The following CLEC1A variants were observed in gnomAD, a reference collection of about 807,000 sequenced individuals.
The protein encoded by CLEC1A is C-type lectin-like receptor-1.
Under a neutral mutation model 28.7 loss-of-function variants are expected in CLEC1A, and 34 were observed. The ratio of observed to expected loss-of-function variants is 1.18; its 90% CI spans 0.90 to 1.57. CLEC1A has a LOEUF of 1.57. Ranked by LOEUF, CLEC1A falls within the 40% of genes most tolerant of loss-of-function variation. The pLI is 0.00. For synonymous variants in CLEC1A, 116 were observed against 121.0 expected (o/e 0.96, Z 0.27); for missense variants, 385 against 339.5 (o/e 1.13, Z -1.05).
chr12:10,090,497 T>C (rs906867982), intron 1 of CLEC1A, among the ~76,000 whole-genome samples: 5 of 152,094 alleles, frequency 3.3e-5, no homozygotes, highest in African/African-American at 7.2e-5. Context: ...ACTCCTGAGC[T>C]CAAGTGATCC....
intron 1 of CLEC1A, among the ~76,000 whole-genome samples, chr12:10,094,125 G>A (rs1947746139): frequency 6.6e-6 from 1 of 151,982 alleles, no homozygotes; most frequent in African/African-American, 2.4e-5. Context: ...TTCAGTAAAA[G>A]TTAGGTGACT....
intron 2 of CLEC1A, among the ~76,000 whole-genome samples, chr12:10,087,499 T>C (rs1400151492): frequency 7.5e-6 from 1 of 133,672 alleles, no homozygotes; most frequent in Non-Finnish European, 1.6e-5. Flanking sequence ...TATATATATA[T>C]ATATATATAT....
chr12:10,074,546 G>C (rs1353090187), intron 4 of CLEC1A, among the ~76,000 whole-genome samples: 1 of 152,292 alleles, frequency 6.6e-6, no homozygotes, highest in East Asian at 1.9e-4. Flanking sequence ...ATATAGTTCA[G>C]TTTTATACCT....
At chr12:10,079,550 A>C (rs932888635) in intron 3 of CLEC1A, among the ~76,000 whole-genome samples, 1 of 152,152 alleles carries the variant, frequency 6.6e-6, no homozygotes, top group South Asian at 2.1e-4. Context: ...AGCCAGGTGC[A>C]ATGGCTCATG....
intron 3 of CLEC1A, among the ~76,000 whole-genome samples, chr12:10,077,608 AT>A (rs1337895059): frequency 3.3e-5 from 5 of 152,122 alleles, no homozygotes; most frequent in African/African-American, 9.7e-5. Context: ...ATAAATTACC[AT>A]TTTTATATTA....
Position 10,098,808 on chromosome 12 carries a change from C to T in CLEC1A, c.115G>A (p.Glu39Lys), listed in dbSNP as rs370035018. 1 of 1,608,786 alleles carries T rather than the reference C, an allele frequency of 6.2e-7. No individual in the cohort carries two copies. Among genetic ancestry groups the T allele is most frequent in the Non-Finnish European group, 8.5e-7 (1 of 1,176,502 alleles). ...ATTTGGACTCCAGGAGACAGGGTAC[C>T]TGTGCGCCGGGGCTCTGGATGCCGA... ...TTRHPEPRRTEHRAPSSTWRP... is the reference protein window; with the variant it reads ...TTRHPEPRRTKHRAPSSTWRP... Residue 39 changes from glutamate to lysine, a missense_variant and splice_region_variant, in exon 1 of 6, where the codon GAG becomes AAG. Physicochemically the swap from Glu to Lys is moderately conservative, Grantham distance 56 (BLOSUM62 1). Coordinates refer to ENST00000315330, the MANE Select transcript of CLEC1A (RefSeq NM_016511.4).
chr12:10,073,272 T>C (rs1452469274), intron 5 of CLEC1A, 21 bp downstream of exon 5: 1 of 1,552,680 alleles, frequency 6.4e-7, no homozygotes, highest in Non-Finnish European at 8.9e-7. Flanking sequence ...GCCTTTCCCA[T>C]AAAATATCCT....
At chr12:10,098,215 T>G (rs1431495154) in intron 1 of CLEC1A, among the ~76,000 whole-genome samples, 1 of 152,156 alleles carries the variant, frequency 6.6e-6, no homozygotes, top group Non-Finnish European at 1.5e-5. Flanking sequence ...AAGTGTTCCT[T>G]TCAGCAATTT....
chr12:10,078,894 C>T (rs902931839), intron 3 of CLEC1A, among the ~76,000 whole-genome samples: 2 of 152,118 alleles, frequency 1.3e-5, no homozygotes, highest in Admixed American at 1.3e-4. Context: ...ATGTCTCTCC[C>T]CAATCTCTTG....
chr12:10,085,506 C>T (rs908812723), intron 2 of CLEC1A, among the ~76,000 whole-genome samples: 3 of 133,922 alleles, frequency 2.2e-5, no homozygotes, highest in African/African-American at 8.6e-5. Context: ...ATTCTTTTAT[C>T]AGACAAAACA....
intron 1 of CLEC1A, among the ~76,000 whole-genome samples, chr12:10,092,996 G>A (rs1947726608): frequency 6.6e-6 from 1 of 151,902 alleles, no homozygotes; most frequent in East Asian, 1.9e-4. Context: ...ACAATCCTAG[G>A]GAGTTCATCT....
rs557084601 is a variant in CLEC1A at position 10,079,775 on chromosome 12, T to C, written c.391+1462A>G. ...TGGAGACCGCAGGGAGCCGAGATCA[T>C]GCCACTGCACTCCAGTCTAGGTGAC... On this transcript the variant is annotated intron_variant, in intron 3 of 5. Transcript: ENST00000315330. Among the ~76,000 whole-genome samples the C allele has an allele frequency of 4.0e-4, 60 of 151,884 alleles. 3 individuals are homozygous for C. In the Middle Eastern group the frequency reaches 0.01, roughly 26 times the overall value.
chr12:10,097,368 G>A (rs1434958767), intron 1 of CLEC1A, among the ~76,000 whole-genome samples: 1 of 152,124 alleles, frequency 6.6e-6, no homozygotes. Context: ...TTTTATCAGC[G>A]AAGGTATATC....
chr12:10,081,788 C>A (rs144237169), intron 2 of CLEC1A, among the ~76,000 whole-genome samples: 277 of 151,522 alleles, frequency 1.8e-3, no homozygotes, highest in African/African-American at 6.0e-3. Context: ...AGAAGCAACT[C>A]AATACTGAAA....
At chr12:10,095,142 T>A (rs2137374895) in intron 1 of CLEC1A, among the ~76,000 whole-genome samples, 1 of 152,192 alleles carries the variant, frequency 6.6e-6, no homozygotes, top group African/African-American at 2.4e-5. Context: ...ATTTAAAGAG[T>A]TGTTGAATCA....
intron 2 of CLEC1A, among the ~76,000 whole-genome samples, chr12:10,086,604 C>G (rs767235946): frequency 4.7e-4 from 71 of 151,944 alleles, no homozygotes; most frequent in Non-Finnish European, 9.0e-4. Context: ...TAGATTAAAC[C>G]AGGAATAAAT....
At chr12:10,087,520 T>TATA (rs1866525789) in intron 2 of CLEC1A, among the ~76,000 whole-genome samples, 2 of 121,458 alleles carry the variant, frequency 1.6e-5, no homozygotes, top group African/African-American at 3.4e-5. Context: ...ATATATATAT[T>TATA]TGTTTTTTTT....
Position 10,093,625 on chromosome 12 carries a change from A to C in CLEC1A, c.116-4403T>G, listed in dbSNP as rs540746715. Among the ~76,000 whole-genome samples the C allele has an allele frequency of 9.2e-5, 14 of 152,144 alleles. No individual in the cohort carries two copies. In the South Asian group the frequency reaches 3.0e-3, roughly 32 times the overall value. On this transcript the variant is annotated intron_variant, in intron 1 of 5. Transcript: ENST00000315330. ...ATACCTATGAAATGCAAAAGGTCTT[A>C]AAAGCTGGAGAAGACACCGAGAGTT...
At chr12:10,089,331 G>A (rs975116532) in intron 1 of CLEC1A, 109 bp from the exon 2 acceptor site, 10 of 831,266 alleles carry the variant, frequency 1.2e-5, no homozygotes, top group South Asian at 6.2e-5. Flanking sequence ...AAATTAGGCT[G>A]GACAACGGTA....
Sources: allele counts gnomAD v4.1 joint callset (sites outside exome capture counted in the v4.1 genomes callset), GRCh38; gene constraint gnomAD v4.1.1; transcripts MANE v1.5; gene names NCBI Gene and HGNC (gene_info 2026-07-23, HGNC 2026-07-21).